The following LINGO2 variants were observed in gnomAD, a reference collection of about 807,000 sequenced individuals.
The protein encoded by LINGO2 is leucine rich repeat and Ig domain containing 2, also known as leucine-rich repeat and immunoglobulin-like domain-containing nogo receptor-interacting protein 2.
Under a neutral mutation model 30.6 loss-of-function variants are expected in LINGO2, and 14 were observed. That is an observed-to-expected ratio of 0.46 (90% CI 0.30 to 0.72). The LOEUF is 0.72. Ranked by LOEUF, LINGO2 falls within the 30% of genes least tolerant of loss-of-function variation. LINGO2 has a pLI of 0.07. For synonymous variants in LINGO2, 317 were observed against 288.5 expected, an observed-to-expected ratio of 1.10 and a Z score of -1.00; for missense variants, 729 against 751.7, an observed-to-expected ratio of 0.97 and a Z score of 0.35.
the LINGO2 span, among the ~76,000 whole-genome samples, chr9:28,748,838 T>A: frequency 1.3e-5 from 2 of 151,936 alleles, no homozygotes; most frequent in African/African-American, 2.4e-5. Context: ...TAAAATACTA[T>A]AAGATTAACA....
At chr9:28,652,088 A>G (rs1032488423) in intron 1 of LINGO2, among the ~76,000 whole-genome samples, 2 of 152,130 alleles carry the variant, frequency 1.3e-5, no homozygotes, top group Non-Finnish European at 1.5e-5. Flanking sequence ...CTCTTGCATG[A>G]TAATAATTTC....
At chr9:28,628,532 C>T (rs1826790499) in intron 1 of LINGO2, among the ~76,000 whole-genome samples, 1 of 151,994 alleles carries the variant, frequency 6.6e-6, no homozygotes, top group African/African-American at 2.4e-5. Flanking sequence ...ATTTCCTGTC[C>T]TATAGTGTAA....
At position 28,147,550 on chromosome 9, in the gene LINGO2, T is replaced by C. The variant is rs1827848227; in HGVS notation, c.-86-135145A>G. Among the ~76,000 whole-genome samples the C allele has an allele frequency of 6.6e-6, 1 of 152,044 alleles. No homozygotes were observed. The highest frequency in any genetic ancestry group is 1.9e-4 in the East Asian group (1 of 5,154). On this transcript the variant is annotated intron_variant, in intron 4 of 5. Coordinates refer to ENST00000379992, the Ensembl canonical transcript of LINGO2. The surrounding 1 kb of genome is among the most constrained non-coding windows in gnomAD (Gnocchi z 4.7). ...GGGGAGCCTGGCGGGATCTGGCTGG[T>C]CCTGTGCTCTGCTTCCAGGTTCTGG...
chr9:28,593,331 G>A (rs553355469), intron 1 of LINGO2, among the ~76,000 whole-genome samples: 1 of 152,142 alleles, frequency 6.6e-6, no homozygotes, highest in South Asian at 2.1e-4. Context: ...AGCCTGAAAG[G>A]GAGGATACTA....
chr9:28,211,518 T>C (rs1820590901), intron 4 of LINGO2, among the ~76,000 whole-genome samples: 1 of 151,278 alleles, frequency 6.6e-6, no homozygotes, highest in African/African-American at 2.4e-5. Context: ...TCTACCACAA[T>C]TCTAAGGAAG....
At chr9:28,911,019 T>C in the LINGO2 span, among the ~76,000 whole-genome samples, 22,816 of 151,992 alleles carry the variant, frequency 0.15, 1,747 homozygotes, top group Middle Eastern at 0.19. Context: ...AAATTAAGTC[T>C]GTTTTTGTTT....
chr9:27,964,149 T>C (rs1819984148), intron 5 of LINGO2, among the ~76,000 whole-genome samples: 1 of 152,134 alleles, frequency 6.6e-6, no homozygotes, highest in Non-Finnish European at 1.5e-5. Flanking sequence ...ATGGAAACTT[T>C]CAATATTGAG....
chr9:28,611,601 T>C (rs1326169664), intron 1 of LINGO2, among the ~76,000 whole-genome samples: 1 of 152,114 alleles, frequency 6.6e-6, no homozygotes, highest in Non-Finnish European at 1.5e-5. Flanking sequence ...TACAAACTCA[T>C]CTTTTTTAGA....
At chr9:28,248,983 T>A (rs1468074271) in intron 4 of LINGO2, among the ~76,000 whole-genome samples, 3 of 152,138 alleles carry the variant, frequency 2.0e-5, no homozygotes, top group African/African-American at 7.2e-5. Context: ...ACAGTGCTTT[T>A]CTAGGGCTTC....
the LINGO2 span, among the ~76,000 whole-genome samples, chr9:29,071,696 G>T: frequency 6.6e-6 from 1 of 151,638 alleles, no homozygotes. Context: ...TTACAGTTTT[G>T]CAAAGGAGGT....
intron 3 of LINGO2, among the ~76,000 whole-genome samples, chr9:28,317,863 G>A (rs981990185): frequency 2.2e-4 from 34 of 152,262 alleles, no homozygotes; most frequent in Admixed American, 1.2e-3. Flanking sequence ...CCAACTTTTA[G>A]AGTCCCCATA....
At chr9:28,023,866 T>C (rs1156997155) in intron 4 of LINGO2, among the ~76,000 whole-genome samples, 1 of 152,196 alleles carries the variant, frequency 6.6e-6, no homozygotes, top group East Asian at 1.9e-4. Flanking sequence ...TTTTTTCCTT[T>C]AGCTAGTCCA....
intron 1 of LINGO2, among the ~76,000 whole-genome samples, chr9:28,510,492 G>C (rs1820328685): frequency 6.6e-6 from 1 of 152,124 alleles, no homozygotes; most frequent in Non-Finnish European, 1.5e-5. Flanking sequence ...TTCATGTGGA[G>C]TAGGCTGAGG....
chr9:28,368,751 C>T (rs1364457381), intron 3 of LINGO2, among the ~76,000 whole-genome samples: 2 of 151,868 alleles, frequency 1.3e-5, no homozygotes, highest in South Asian at 4.2e-4. Flanking sequence ...CGCCCGCCAC[C>T]ACGCCCGGCT....
chr9:29,049,809 G>C, the LINGO2 span, among the ~76,000 whole-genome samples: 1 of 152,070 alleles, frequency 6.6e-6, no homozygotes, highest in Non-Finnish European at 1.5e-5. Flanking sequence ...AAGAACAGTA[G>C]GGGCTGGAGG....
chr9:29,058,064 T>C, the LINGO2 span, among the ~76,000 whole-genome samples: 2 of 151,946 alleles, frequency 1.3e-5, no homozygotes, highest in Admixed American at 1.3e-4. Context: ...ACAATCAAAA[T>C]TTACTACACA....
intron 4 of LINGO2, among the ~76,000 whole-genome samples, chr9:28,219,627 A>G (rs1820888956): frequency 6.6e-6 from 1 of 152,190 alleles, no homozygotes; most frequent in Non-Finnish European, 1.5e-5. Context: ...CTTCTTTCAC[A>G]AAGCTATCAT....
the LINGO2 span, among the ~76,000 whole-genome samples, chr9:29,061,626 C>G: frequency 6.1e-3 from 921 of 151,978 alleles, 12 homozygotes; most frequent in African/African-American, 0.021. Flanking sequence ...ACTGGTTATC[C>G]ACACGCAAAA....
the LINGO2 span, among the ~76,000 whole-genome samples, chr9:28,864,590 T>C: frequency 6.6e-6 from 1 of 152,034 alleles, no homozygotes; most frequent in African/African-American, 2.4e-5. Flanking sequence ...AATTTCAACA[T>C]TTTTCAAAGT....
Sources: gnomAD v4.1 joint callset for allele counts (sites outside exome capture counted in the v4.1 genomes callset) on GRCh38, gnomAD v4.1.1 for gene constraint, Gnocchi (gnomAD v3.1) non-coding constraint, MANE v1.5 for transcripts, NCBI Gene and HGNC (gene_info 2026-07-23, HGNC 2026-07-21) for gene names.